The following CD180 variants were observed in gnomAD, a reference collection of about 807,000 sequenced individuals.
The protein encoded by CD180 is CD180 antigen.
Under a neutral mutation model 10.7 loss-of-function variants are expected in CD180, and 11 were observed. The observed-to-expected ratio is 1.03, with a 90% CI of 0.65 to 1.70. CD180 has a LOEUF of 1.70. Ranked by LOEUF, CD180 falls within the 40% of genes most tolerant of loss-of-function variation. CD180 has a pLI of 0.00. For synonymous variants in CD180, 286 were observed against 294.6 expected (o/e 0.97, Z 0.30); for missense variants, 729 against 775.2 (o/e 0.94, Z 0.71).
chr5:67,183,398 T>C lies in CD180; in HGVS notation c.1445A>G (p.Gln482Arg). The change falls in exon 3 of 3, where the codon CAA becomes CGA. Residue 482 changes from glutamine to arginine, a missense_variant. Gln to Arg is a conservative substitution (Grantham distance 43, BLOSUM62 1). Transcript: ENST00000256447. ...GTTGGTCTTCGTGATAGTCCCATCTTGAAAGTGATTCCCTTTTAAGTTGAG... is the reference window on the plus strand; with the variant it reads ...GTTGGTCTTCGTGATAGTCCCATCTCGAAAGTGATTCCCTTTTAAGTTGAG... ...RHLNLKGNHFQDGTITKTNLL... is the reference protein window; with the variant it reads ...RHLNLKGNHFRDGTITKTNLL... The C allele has an allele frequency of 6.2e-7, 1 of 1,614,238 alleles. No homozygotes were observed. Among genetic ancestry groups the C allele is most frequent in the East Asian group, 2.2e-5 (1 of 44,894 alleles).
At chr5:67,186,044 T>A in intron 1 of CD180, 27 bp from the exon 2 acceptor site, 3 of 1,410,556 alleles carry the variant, frequency 2.1e-6, no homozygotes, top group Non-Finnish European at 2.9e-6. Flanking sequence ...AGTAAATTAA[T>A]ATTAGACTTA....
chr5:67,196,793 G>A lies in CD180; in HGVS notation c.-152C>T. The A allele has an allele frequency of 1.5e-6, 1 of 647,760 alleles. No homozygotes were observed. The highest frequency in any genetic ancestry group is 2.3e-6 in the Non-Finnish European group (1 of 430,812). The allele number at this position is 647,760 out of a possible 1,614,324, so 40.1% of individuals were successfully genotyped here. A position where few individuals can be genotyped will look rare whatever the true frequency, so the allele number is the denominator to read the frequency against. The stretch of plus-strand genomic sequence containing the variant: ...GCTGTTGACTGCTCAGCATTCTGTG[G>A]CTCTGTGCTGGAAAAAAAAAAAAAA... On this transcript the variant is annotated 5_prime_UTR_variant, in exon 1 of 3. Transcript: ENST00000256447.
rs1742070280 is a variant in CD180 at position 67,182,600 on chromosome 5, T to C, written c.*257A>G. The C allele has an allele frequency of 6.6e-6, 2 of 303,682 alleles. No individual in the cohort carries two copies. Among genetic ancestry groups the C allele is most frequent in the African/African-American group, 4.3e-5 (2 of 46,132 alleles). The allele number at this position is 303,682 out of a possible 1,614,324, so 18.8% of individuals were successfully genotyped here. A position where few individuals can be genotyped will look rare whatever the true frequency, so the allele number is the denominator to read the frequency against. On this transcript the variant is annotated 3_prime_UTR_variant, in exon 3 of 3. Coordinates refer to ENST00000256447, the MANE Select transcript of CD180 (RefSeq NM_005582.3). Reference sequence around the variant, plus strand: ...CCCTCCCTCTGCTTCCTCCCACTCTTCCACATGCGGAAAGGGCTCTGTGCC... The same window carrying C: ...CCCTCCCTCTGCTTCCTCCCACTCTCCCACATGCGGAAAGGGCTCTGTGCC...
At chr5:67,192,241 A>T (rs1464340456) in intron 1 of CD180, among the ~76,000 whole-genome samples, 2 of 151,938 alleles carry the variant, frequency 1.3e-5, no homozygotes, top group East Asian at 1.9e-4. Context: ...ATACAAAAAA[A>T]TTGCCAGGTG....
At chr5:67,193,101 G>A (rs1022237681) in intron 1 of CD180, among the ~76,000 whole-genome samples, 2 of 152,218 alleles carry the variant, frequency 1.3e-5, no homozygotes, top group Non-Finnish European at 2.9e-5. Context: ...ACCTTCCAAA[G>A]GCTACGTGCC....
In CD180 at chr5:67,196,735, G is replaced by C; in HGVS notation, c.-94C>G. The C allele has an allele frequency of 6.4e-7, 1 of 1,558,194 alleles. No individual in the cohort carries two copies. The highest frequency in any genetic ancestry group is 1.4e-5 in the African/African-American group (1 of 73,012). ...GCCCTGGCAATTTGGCAGCCAGAGA[G>C]GTACTCAGAAGGGTGATCTTGGAAC... is the stretch of plus-strand genomic sequence containing the variant. On this transcript the variant is annotated 5_prime_UTR_variant, in exon 1 of 3. Coordinates refer to ENST00000256447, the MANE Select transcript of CD180 (RefSeq NM_005582.3).
chr5:67,182,848 C>G lies in CD180; in HGVS notation c.*9G>C. On this transcript the variant is annotated 3_prime_UTR_variant, in exon 3 of 3. Transcript: ENST00000256447. ...CACACTTATTTGCTTTCTCTGGAAA[C>G]CTTCAGCACTAAATGTGTTGGTATT... The G allele has an allele frequency of 1.3e-6, 2 of 1,574,374 alleles. No individual in the cohort carries two copies. Among genetic ancestry groups the G allele is most frequent in the Non-Finnish European group, 1.7e-6 (2 of 1,160,908 alleles).
rs1742412988 is a variant in CD180, at chr5:67,196,734, A to G, written c.-93T>C. On this transcript the variant is annotated 5_prime_UTR_variant, in exon 1 of 3. Transcript: ENST00000256447. The stretch of plus-strand genomic sequence containing the variant: ...GGCCCTGGCAATTTGGCAGCCAGAG[A>G]GGTACTCAGAAGGGTGATCTTGGAA... The G allele has an allele frequency of 1.7e-5, 25 of 1,483,542 alleles. No individual in the cohort carries two copies. In the Admixed American group the frequency reaches 3.5e-4, roughly 21 times the overall value. The allele number at this position is 1,483,542 out of a possible 1,614,324, so 91.9% of individuals were successfully genotyped here. A position where few individuals can be genotyped will look rare whatever the true frequency, so the allele number is the denominator to read the frequency against.
chr5:67,185,887 C>T lies in CD180; in HGVS notation c.221G>A (p.Ser74Asn), dbSNP rs544292087. 42 of 1,608,088 alleles carry T rather than the reference C, an allele frequency of 2.6e-5. 1 individual carries two copies. In the South Asian group the frequency reaches 4.1e-4, roughly 16 times the overall value. Residue 74 changes from serine to asparagine, a missense_variant, in exon 2 of 3, where the codon AGC becomes AAC. Transcript: ENST00000256447. ...FLPTIHNRTF[S>N]RLMNLTFLDL... ...CAAAAAGGTAAGATTCATGAGTCTG[C>T]TGAAGGTTCTATTGTGAATTGTAGG... is the stretch of plus-strand genomic sequence containing the variant.
intron 1 of CD180, among the ~76,000 whole-genome samples, chr5:67,195,800 C>T (rs778845045): frequency 6.6e-6 from 1 of 152,226 alleles, no homozygotes; most frequent in Non-Finnish European, 1.5e-5. Flanking sequence ...CAGCAGCTCA[C>T]CAAGCCACCA....
rs1027927294 is a variant in CD180 at position 67,179,646 on chromosome 5, A to C, written c.*3211T>G. On this transcript the variant is annotated 3_prime_UTR_variant, in exon 3 of 3. Transcript: ENST00000256447. ...ATACTTTTATAAACATCAAAATTGCAAACTACACTGATTGGAGAGTTGGAC... is the reference window on the plus strand; with the variant it reads ...ATACTTTTATAAACATCAAAATTGCCAACTACACTGATTGGAGAGTTGGAC... 6.6e-6 allele frequency: 1 copy of C among 152,288 alleles called. No homozygotes were observed. Among genetic ancestry groups the C allele is most frequent in the African/African-American group, 2.4e-5 (1 of 41,478 alleles). The allele number at this position is 152,288 out of a possible 1,614,324, so 9.4% of individuals were successfully genotyped here. A position where few individuals can be genotyped will look rare whatever the true frequency, so the allele number is the denominator to read the frequency against.
intron 1 of CD180, among the ~76,000 whole-genome samples, chr5:67,189,048 T>C (rs1742253545): frequency 6.6e-6 from 1 of 152,214 alleles, no homozygotes; most frequent in African/African-American, 2.4e-5. Flanking sequence ...CCCCAGTAGT[T>C]GCAAAGGTGC....
Position 67,184,378 on chromosome 5 carries a change from A to G in CD180, c.465T>C (p.Tyr155=). The change falls in exon 3 of 3, where the codon TAT becomes TAC. Residue 155 remains tyrosine (Y), a synonymous_variant. Coordinates refer to ENST00000256447, the MANE Select transcript of CD180 (RefSeq NM_005582.3). The stretch of plus-strand genomic sequence containing the variant: ...TGGAGGAAATATGGTTGCTTCCAAG[A>G]TACAAGCTTTCCAAGTTTTCCAGAT... ...VHNLENLESL[Y]LGSNHISSIK... 2 of 1,613,840 alleles carry G rather than the reference A, an allele frequency of 1.2e-6. No homozygotes were observed. Among genetic ancestry groups the G allele is most frequent in the South Asian group, 1.1e-5 (1 of 91,086 alleles).
At position 67,183,909 on chromosome 5, in the gene CD180, C is replaced by A. The variant is rs373024946; in HGVS notation, c.934G>T (p.Gly312Trp). ...ELDLTATHLKGLPSGMKGLNL... is the reference protein window; with the variant it reads ...ELDLTATHLKWLPSGMKGLNL... ...AGACCCTTCATCCCAGAGGGTAACC[C>A]TTTCAAGTGAGTTGCTGTCAGATCC... Residue 312 changes from glycine to tryptophan, a missense_variant, in exon 3 of 3, where the codon GGG becomes TGG. Physicochemically the swap from Gly to Trp is radical, Grantham distance 184. Transcript: ENST00000256447. 175 of 1,614,024 alleles carry A rather than the reference C, an allele frequency of 1.1e-4. No individual in the cohort carries two copies. Among genetic ancestry groups the A allele is most frequent in the Non-Finnish European group, 1.4e-4 (171 of 1,180,012 alleles).
At chr5:67,194,937 G>A (rs1156981170) in intron 1 of CD180, among the ~76,000 whole-genome samples, 2 of 152,136 alleles carry the variant, frequency 1.3e-5, no homozygotes, top group South Asian at 2.1e-4. Context: ...ATATAGGTGG[G>A]CCCTAATCCA....
At chr5:67,186,876 A>ATGTGTG (rs1742205291) in intron 1 of CD180, among the ~76,000 whole-genome samples, 1 of 126,032 alleles carries the variant, frequency 7.9e-6, no homozygotes, top group African/African-American at 2.8e-5. Flanking sequence ...GTGTGTGTGA[A>ATGTGTG]AGAGAGAGAG....
At chr5:67,196,125 G>C (rs898955910) in intron 1 of CD180, among the ~76,000 whole-genome samples, 5 of 152,166 alleles carry the variant, frequency 3.3e-5, no homozygotes, top group African/African-American at 1.2e-4. Context: ...TTCAATGCTC[G>C]AAAACCTGGC....
intron 1 of CD180, among the ~76,000 whole-genome samples, chr5:67,187,641 G>C (rs1177927589): frequency 1.3e-5 from 2 of 152,208 alleles, no homozygotes; most frequent in African/African-American, 4.8e-5. Context: ...ATGAAGGGTA[G>C]TGGGGAAAAT....
chr5:67,186,266 C>A, intron 1 of CD180: 3 of 264,722 alleles, frequency 1.1e-5, no homozygotes, highest in East Asian at 6.9e-5. Context: ...GGTACATTCA[C>A]AAAATGGAAT....
Sources: gnomAD v4.1 joint callset for allele counts (sites outside exome capture counted in the v4.1 genomes callset) on GRCh38, gnomAD v4.1.1 for gene constraint, MANE v1.5 for transcripts, NCBI Gene and HGNC (gene_info 2026-07-23, HGNC 2026-07-21) for gene names.